The following EXOC4 variants were observed in gnomAD, a reference collection of about 807,000 sequenced individuals.
The protein encoded by EXOC4 is SEC8-like 1.
In EXOC4, 71 loss-of-function variants were observed where a neutral mutation model predicts 107.2. The ratio of observed to expected loss-of-function variants is 0.66; its 90% CI spans 0.55 to 0.81. EXOC4 has a LOEUF of 0.81. Ranked by LOEUF, EXOC4 falls within the 30% of genes least tolerant of loss-of-function variation. The pLI is 0.00. For synonymous variants in EXOC4, 456 were observed against 441.2 expected, an observed-to-expected ratio of 1.03 and a Z score of -0.42; for missense variants, 1,108 against 1,189.6, an observed-to-expected ratio of 0.93 and a Z score of 1.01.
At chr7:133,624,588 CTCTT>C (rs1342403274) in intron 9 of EXOC4, among the ~76,000 whole-genome samples, 1 of 151,968 alleles carries the variant, frequency 6.6e-6, no homozygotes, top group East Asian at 1.9e-4. Flanking sequence ...ATCTCTCTCT[CTCTT>C]TTTTTTTCTT....
At chr7:133,873,439 A>G (rs764490853) in intron 11 of EXOC4, among the ~76,000 whole-genome samples, 4 of 152,188 alleles carry the variant, frequency 2.6e-5, no homozygotes, top group Admixed American at 1.3e-4. Context: ...CCAGTCCAGC[A>G]TGTGATCCTC....
At chr7:133,877,924 C>A (rs1293647422) in intron 11 of EXOC4, among the ~76,000 whole-genome samples, 2 of 152,200 alleles carry the variant, frequency 1.3e-5, no homozygotes, top group Admixed American at 6.5e-5. Context: ...CAGGTCCCTT[C>A]TTCCTGCATC....
chr7:133,255,850 G>C (rs928939873), intron 1 of EXOC4, among the ~76,000 whole-genome samples: 1 of 152,158 alleles, frequency 6.6e-6, no homozygotes, highest in Admixed American at 6.5e-5. Flanking sequence ...AGAGTCCTGC[G>C]GGTAAGAGAA....
At chr7:133,931,846 G>T (rs1440034305) in intron 13 of EXOC4, among the ~76,000 whole-genome samples, 1 of 152,230 alleles carries the variant, frequency 6.6e-6, no homozygotes. Flanking sequence ...TGGTGGCAAA[G>T]CTGCCTTAGC....
chr7:133,985,174 A>G (rs145457357), intron 14 of EXOC4, among the ~76,000 whole-genome samples: 2 of 152,228 alleles, frequency 1.3e-5, no homozygotes, highest in East Asian at 1.9e-4. Context: ...TATATTGTCC[A>G]TAGTCTTATG....
chr7:133,264,294 C>T (rs1793663887), intron 1 of EXOC4, among the ~76,000 whole-genome samples: 1 of 152,068 alleles, frequency 6.6e-6, no homozygotes, highest in Non-Finnish European at 1.5e-5. Context: ...TAGTAATTGG[C>T]CCTAAGTGCT....
chr7:133,505,245 A>T (rs976260309), intron 9 of EXOC4, among the ~76,000 whole-genome samples: 3 of 152,120 alleles, frequency 2.0e-5, no homozygotes, highest in African/African-American at 7.2e-5. Context: ...TGAAAAACAC[A>T]TTTAAATGAG....
At chr7:133,386,352 G>A (rs1195893010) in intron 7 of EXOC4, among the ~76,000 whole-genome samples, 1 of 152,150 alleles carries the variant, frequency 6.6e-6, no homozygotes. Flanking sequence ...AATTGCAATA[G>A]CTGTGACTTC....
chr7:133,642,996 C>T (rs899891038), intron 10 of EXOC4, among the ~76,000 whole-genome samples: 3 of 152,194 alleles, frequency 2.0e-5, no homozygotes, highest in Non-Finnish European at 4.4e-5. Flanking sequence ...CTCTTACTCA[C>T]CCTTACATAA....
chr7:133,898,857 A>C lies in EXOC4; in HGVS notation c.1871+3122A>C, dbSNP rs1799384864. Among the ~76,000 whole-genome samples the C allele has an allele frequency of 2.0e-5, 3 of 151,816 alleles. No homozygotes were observed. In the South Asian group the frequency reaches 6.3e-4, roughly 32 times the overall value. On this transcript the variant is annotated intron_variant, in intron 12 of 17. Transcript: ENST00000253861. ...GCCAGGTGTGGTGGTGTATGCCTAT[A>C]ATCCCAGCTACTCGGGAGGCTGAGG...
chr7:133,376,332 T>C (rs1374821473), intron 7 of EXOC4, among the ~76,000 whole-genome samples: 1 of 152,234 alleles, frequency 6.6e-6, no homozygotes, highest in Non-Finnish European at 1.5e-5. Flanking sequence ...AGGCTGGTTA[T>C]TTAACATTTT....
Position 133,741,464 on chromosome 7 carries a change from A to C in EXOC4, c.1515-75861A>C, listed in dbSNP as rs146072551. ...ATAACACCTCGCTCCTGTCATAATT[A>C]TTGTTCCTATCACATGGTATCATAA... On this transcript the variant is annotated intron_variant, in intron 10 of 17. Coordinates refer to ENST00000253861, the MANE Select transcript of EXOC4 (RefSeq NM_021807.4). Among the ~76,000 whole-genome samples, 8 of 152,282 alleles carry C rather than the reference A, an allele frequency of 5.3e-5. No individual in the cohort carries two copies. In the East Asian group the frequency reaches 1.5e-3, roughly 29 times the overall value.
At chr7:133,356,256 G>A (rs1002632440) in intron 5 of EXOC4, 74 bp from the exon 6 acceptor site, 36 of 1,474,154 alleles carry the variant, frequency 2.4e-5, no homozygotes, top group South Asian at 5.0e-5. Context: ...CAGTGATTTC[G>A]TTTATTAGAC....
In EXOC4 at chr7:133,356,518, G is replaced by A; in HGVS notation, c.952G>A (p.Val318Met). ...KQIVKRSTTQ[V>M]ADSGYQRGEN... ...AATTGTGAAGAGGTCTACAACCCAG[G>A]TGGCAGACAGTGGCTATCAGCGGGG... Residue 318 changes from valine (V) to methionine (M), a missense_variant, in exon 6 of 18, where the codon GTG (valine) becomes ATG (methionine). Coordinates refer to ENST00000253861, the MANE Select transcript of EXOC4 (RefSeq NM_021807.4). 2 of 1,614,108 alleles carry A rather than the reference G, an allele frequency of 1.2e-6. No individual in the cohort carries two copies. The highest frequency in any genetic ancestry group is 3.3e-5 in the Admixed American group (2 of 60,010).
the EXOC4 span, among the ~76,000 whole-genome samples, chr7:134,090,454 C>T: frequency 1.3e-5 from 2 of 152,352 alleles, no homozygotes; most frequent in East Asian, 3.9e-4. Flanking sequence ...ACAAAGCACA[C>T]CAGATTTGCT....
chr7:133,363,043 A>G (rs1456564341), intron 6 of EXOC4, among the ~76,000 whole-genome samples: 1 of 152,218 alleles, frequency 6.6e-6, no homozygotes, highest in Admixed American at 6.5e-5. Context: ...TTAGATGAGT[A>G]GTTAATTCGA....
At chr7:134,013,219 A>G (rs1228415956) in intron 17 of EXOC4, among the ~76,000 whole-genome samples, 1 of 152,180 alleles carries the variant, frequency 6.6e-6, no homozygotes, top group East Asian at 1.9e-4. Flanking sequence ...AACATGCATA[A>G]ATCATGTTGA....
intron 7 of EXOC4, among the ~76,000 whole-genome samples, chr7:133,381,039 T>G (rs1411922256): frequency 6.6e-6 from 1 of 152,172 alleles, no homozygotes; most frequent in Non-Finnish European, 1.5e-5. Context: ...ATGGCCTTAG[T>G]CATGAGTTGA....
chr7:133,597,961 C>T (rs557108848), intron 9 of EXOC4, among the ~76,000 whole-genome samples: 65 of 151,580 alleles, frequency 4.3e-4, no homozygotes, highest in Admixed American at 8.5e-4. Context: ...TTCCGCCTCC[C>T]AGGATCCGAG....
Sources: allele counts gnomAD v4.1 joint callset (sites outside exome capture counted in the v4.1 genomes callset), GRCh38; gene constraint gnomAD v4.1.1; transcripts MANE v1.5; gene names NCBI Gene and HGNC (gene_info 2026-07-23, HGNC 2026-07-21).